Variants in NAT1 observed in about 807,000 individuals in gnomAD.
NAT1 encodes N-acetyltransferase 1.
For synonymous variants in NAT1, 144 were observed against 122.6 expected, an observed-to-expected ratio of 1.17 and a Z score of -1.16; for missense variants, 400 against 339.2, an observed-to-expected ratio of 1.18 and a Z score of -1.41.
Position 18,222,841 on chromosome 8 carries a change from A to C in NAT1, c.794A>C (p.Lys265Thr), listed in dbSNP as rs1805490060. 1.2e-6 allele frequency: 2 copies of C among 1,602,590 alleles called. No individual in the cohort carries two copies. The highest frequency in any genetic ancestry group is 1.7e-6 in the Non-Finnish European group (2 of 1,176,754). ...ACTCTGAGTGAGGAAGAAATAGAAA[A>C]AGTGCTGAAAAATATATTTAATATT... ...FKTLSEEEIEKVLKNIFNISL... is the reference protein window; with the variant it reads ...FKTLSEEEIETVLKNIFNISL... Residue 265 changes from lysine (K) to threonine (T), a missense_variant, in exon 3 of 3, where the codon AAA (lysine) becomes ACA (threonine). Physicochemically the swap from Lys to Thr is moderately conservative, Grantham distance 78. Transcript: ENST00000307719.
rs1589134041 is a variant in NAT1 at position 18,222,805 on chromosome 8, T to C, written c.758T>C (p.Ile253Thr). The change falls in exon 3 of 3, where the codon ATA (isoleucine) becomes ACA (threonine). Residue 253 changes from isoleucine (I) to threonine (T), a missense_variant. Transcript: ENST00000307719. ...AATTATAAGGACAATACAGATCTAA[T>C]AGAGTTCAAGACTCTGAGTGAGGAA... is the stretch of plus-strand genomic sequence containing the variant. ...RFNYKDNTDL[I>T]EFKTLSEEEI... 4 of 1,612,722 alleles carry C rather than the reference T, an allele frequency of 2.5e-6. No individual in the cohort carries two copies. The highest frequency in any genetic ancestry group is 3.4e-6 in the Non-Finnish European group (4 of 1,179,586).
intron 2 of NAT1, among the ~76,000 whole-genome samples, chr8:18,188,576 T>A (rs561033537): frequency 6.6e-6 from 1 of 152,158 alleles, no homozygotes; most frequent in Middle Eastern, 3.2e-3. Flanking sequence ...ATTATACATA[T>A]CTTTATTTTT....
intron 1 of NAT1, among the ~76,000 whole-genome samples, chr8:18,215,369 A>G (rs533493420): frequency 3.9e-5 from 6 of 152,256 alleles, no homozygotes; most frequent in African/African-American, 1.4e-4. Flanking sequence ...TTGCTTTATC[A>G]TTTCATTAGC....
chr8:18,192,219 GC>G (rs758820013), intron 2 of NAT1, among the ~76,000 whole-genome samples: 1 of 152,126 alleles, frequency 6.6e-6, no homozygotes, highest in Non-Finnish European at 1.5e-5. Context: ...CATTTATGCA[GC>G]CAACAGACAC....
intron 2 of NAT1, among the ~76,000 whole-genome samples, chr8:18,187,767 C>T (rs1270557283): frequency 6.6e-6 from 1 of 151,912 alleles, no homozygotes; most frequent in African/African-American, 2.4e-5. Flanking sequence ...ATGCATATTA[C>T]CCGGGTGATG....
At chr8:18,176,246 C>G (rs1802290428) in intron 2 of NAT1, among the ~76,000 whole-genome samples, 1 of 152,082 alleles carries the variant, frequency 6.6e-6, no homozygotes, top group African/African-American at 2.4e-5. Flanking sequence ...GCTCTTGTGG[C>G]CTGTGCTTTT....
chr8:18,216,325 C>A (rs954047661), intron 1 of NAT1, among the ~76,000 whole-genome samples: 1 of 152,132 alleles, frequency 6.6e-6, no homozygotes, highest in African/African-American at 2.4e-5. Context: ...GGTTAAATAT[C>A]CTCTCTCTTT....
chr8:18,190,048 C>A (rs1305378249), intron 2 of NAT1, among the ~76,000 whole-genome samples: 1 of 152,156 alleles, frequency 6.6e-6, no homozygotes, highest in Non-Finnish European at 1.5e-5. Flanking sequence ...CCTTGGCCTC[C>A]CAAAGTGCTG....
At chr8:18,183,741 G>T (rs1802613810) in intron 2 of NAT1, among the ~76,000 whole-genome samples, 1 of 152,130 alleles carries the variant, frequency 6.6e-6, no homozygotes, top group South Asian at 2.1e-4. Context: ...GGTGGGACAG[G>T]CACAGGATAG....
At chr8:18,192,732 T>C (rs1179534481) in intron 2 of NAT1, among the ~76,000 whole-genome samples, 1 of 151,212 alleles carries the variant, frequency 6.6e-6, no homozygotes, top group East Asian at 1.9e-4. Context: ...CAGTAAACTA[T>C]CGCAAGGACA....
At chr8:18,198,917 G>T (rs374756176) in intron 2 of NAT1, among the ~76,000 whole-genome samples, 1 of 152,106 alleles carries the variant, frequency 6.6e-6, no homozygotes, top group Non-Finnish European at 1.5e-5. Flanking sequence ...TCTATGTTCA[G>T]AAGTCAGCTT....
intron 1 of NAT1, among the ~76,000 whole-genome samples, chr8:18,214,051 G>T (rs905592865): frequency 2.6e-5 from 4 of 152,072 alleles, no homozygotes; most frequent in Non-Finnish European, 4.4e-5. Flanking sequence ...CTGACCTCGT[G>T]ATCCGCCCGC....
At chr8:18,184,905 T>G (rs1423983427) in intron 2 of NAT1, among the ~76,000 whole-genome samples, 1 of 152,242 alleles carries the variant, frequency 6.6e-6, no homozygotes. Flanking sequence ...CTATGACATT[T>G]TATCAAATGT....
chr8:18,205,263 T>A (rs1339981308), upstream of NAT1, among the ~76,000 whole-genome samples: 1 of 151,826 alleles, frequency 6.6e-6, no homozygotes, highest in Non-Finnish European at 1.5e-5. Flanking sequence ...ATCATAGGGG[T>A]GGAGGCAATG....
chr8:18,220,936 G>T (rs8190842), intron 2 of NAT1, among the ~76,000 whole-genome samples: 1 of 152,078 alleles, frequency 6.6e-6, no homozygotes, highest in African/African-American at 2.4e-5. Context: ...TCCATAAGGC[G>T]CAATATGGGC....
chr8:18,187,800 G>A (rs926954168), intron 2 of NAT1, among the ~76,000 whole-genome samples: 17 of 151,950 alleles, frequency 1.1e-4, no homozygotes, highest in South Asian at 6.2e-4. Context: ...CACCAAACCC[G>A]TGTGACATGA....
intron 1 of NAT1, among the ~76,000 whole-genome samples, chr8:18,218,598 C>G (rs1804940925): frequency 6.6e-6 from 1 of 152,136 alleles, no homozygotes; most frequent in African/African-American, 2.4e-5. Flanking sequence ...CAGTTGTAAG[C>G]TCATGATTTA....
At chr8:18,171,293 C>T (rs1361187543) in intron 2 of NAT1, among the ~76,000 whole-genome samples, 2 of 152,142 alleles carry the variant, frequency 1.3e-5, no homozygotes, top group African/African-American at 4.8e-5. Flanking sequence ...TCAGAAAAAA[C>T]AGAGATCAGA....
intron 2 of NAT1, among the ~76,000 whole-genome samples, chr8:18,179,928 A>C (rs2117217044): frequency 6.6e-6 from 1 of 152,306 alleles, no homozygotes; most frequent in Non-Finnish European, 1.5e-5. Flanking sequence ...AAGATATACA[A>C]AGAATAATAG....
Sources: gnomAD v4.1 joint callset for allele counts (sites outside exome capture counted in the v4.1 genomes callset) on GRCh38, gnomAD v4.1.1 for gene constraint, MANE v1.5 for transcripts, NCBI Gene and HGNC (gene_info 2026-07-23, HGNC 2026-07-21) for gene names.